Variants in SLC25A25 observed in about 807,000 individuals in gnomAD.
SLC25A25 encodes mitochondrial adenyl nucleotide antiporter SLC25A25.
SLC25A25 carries 32 observed loss-of-function variants against 57.7 expected under a neutral mutation model. That is an observed-to-expected ratio of 0.55 (90% CI 0.42 to 0.74). SLC25A25 has a LOEUF of 0.74. Among genes scored for constraint, SLC25A25 ranks in the 30% least tolerant of loss-of-function variants. SLC25A25 has a pLI of 0.00. For missense variants in SLC25A25, 556 were observed against 701.3 expected (o/e 0.79, Z 2.34); for synonymous variants, 306 against 291.2 (o/e 1.05, Z -0.52).
chr9:128,101,962 C>T lies in SLC25A25; in HGVS notation c.477-118C>T, dbSNP rs372680142. ...CTGGGCTCAGCTGCTGTGGCGGGCTCGTCTCGTGCCGTGCTGTGCCCCTGT... is the reference window on the plus strand; with the variant it reads ...CTGGGCTCAGCTGCTGTGGCGGGCTTGTCTCGTGCCGTGCTGTGCCCCTGT... On this transcript the variant is annotated intron_variant, in intron 3 of 10. Coordinates refer to ENST00000373069, the MANE Select transcript of SLC25A25 (RefSeq NM_001330988.2). This position sits in a 1 kb window ranked among gnomAD's most constrained non-coding sequence, Gnocchi z 4.9. 22 of 1,166,120 alleles carry T rather than the reference C, an allele frequency of 1.9e-5. No homozygotes were observed. The highest frequency in any genetic ancestry group is 2.6e-5 in the Non-Finnish European group (21 of 816,852). 72.2% of individuals were successfully genotyped at this position (1,166,120 alleles called of 1,614,324 possible).
chr9:128,072,738 TGAC>T (rs1205684338), intron 1 of SLC25A25, among the ~76,000 whole-genome samples: 1 of 152,204 alleles, frequency 6.6e-6, no homozygotes, highest in Non-Finnish European at 1.5e-5. Flanking sequence ...AGAAAAAAGA[TGAC>T]GACAACAGTA....
chr9:128,106,653 T>C, intron 9 of SLC25A25, 133 bp downstream of exon 9: 2 of 1,162,604 alleles, frequency 1.7e-6, no homozygotes, highest in Non-Finnish European at 2.4e-6. Context: ...CTCTTCTGTT[T>C]ACTGCAGCTT....
chr9:128,091,561 T>TAAAA (rs59794334), intron 1 of SLC25A25: 230,958 of 950,258 alleles, frequency 0.24, 17,340 homozygotes, highest in Non-Finnish European at 0.26. Flanking sequence ...TTTTTTTTTT[T>TAAAA]AAAAAAAAGC....
chr9:128,078,094 A>T (rs1274146694), intron 1 of SLC25A25, among the ~76,000 whole-genome samples: 1 of 151,570 alleles, frequency 6.6e-6, no homozygotes, highest in Non-Finnish European at 1.5e-5. Context: ...GCTGCTTGCT[A>T]GCTGAGTGAC....
At chr9:128,105,155 G>A (rs953393453) in intron 6 of SLC25A25, among the ~76,000 whole-genome samples, 38 of 110,914 alleles carry the variant, frequency 3.4e-4, no homozygotes, top group Non-Finnish European at 4.4e-4. Flanking sequence ...CAACACTCCC[G>A]GCCTTTTTTT....
In SLC25A25 at chr9:128,101,536, T is replaced by C. The variant is rs1833795468; in HGVS notation, c.476+140T>C. ...TGAAAGGATGAATAAGTAACCCCTG[T>C]GGGAGGCCAGCCCCTCCCCAGGGTT... is the stretch of plus-strand genomic sequence containing the variant. On this transcript the variant is annotated intron_variant, in intron 3 of 10. Coordinates refer to ENST00000373069, the MANE Select transcript of SLC25A25 (RefSeq NM_001330988.2). The surrounding 1 kb of genome is among the most constrained non-coding windows in gnomAD (Gnocchi z 4.9). 3 of 881,220 alleles carry C rather than the reference T, an allele frequency of 3.4e-6. No homozygotes were observed. Among genetic ancestry groups the C allele is most frequent in the South Asian group, 3.4e-5 (2 of 58,250 alleles). 54.6% of individuals were successfully genotyped at this position (881,220 alleles called of 1,614,324 possible).
rs1419505707 is a variant in SLC25A25, at chr9:128,106,451, C to T, written c.1143C>T (p.Phe381=). ...RILAREGVAA[F]YKGYVPNMLG... ...TGGCCAGAGAGGGGGTGGCCGCCTT[C>T]TACAAAGGCTATGTCCCCAACATGC... Residue 381 remains phenylalanine (F), a synonymous_variant, in exon 9 of 11, where the codon TTC becomes TTT. Transcript: ENST00000373069. 3.1e-6 allele frequency: 5 copies of T among 1,613,384 alleles called. No individual in the cohort carries two copies. The highest frequency in any genetic ancestry group is 4.2e-6 in the Non-Finnish European group (5 of 1,179,946).
chr9:128,106,060 A>G, intron 7 of SLC25A25, 90 bp from the exon 8 acceptor site: 2 of 1,570,826 alleles, frequency 1.3e-6, no homozygotes. Context: ...GGGTAGCATA[A>G]AATGTGCCGG....
At chr9:128,090,413 A>T (rs1369641526) in intron 1 of SLC25A25, among the ~76,000 whole-genome samples, 1 of 149,804 alleles carries the variant, frequency 6.7e-6, no homozygotes, top group Non-Finnish European at 1.5e-5. Context: ...GGGTTTCACC[A>T]TGTTGGCCAG....
chr9:128,068,510 G>C lies in SLC25A25; in HGVS notation c.191G>C (p.Gly64Ala), dbSNP rs765974011. 2 of 1,506,552 alleles carry C rather than the reference G, an allele frequency of 1.3e-6. No homozygotes were observed. The highest frequency in any genetic ancestry group is 1.8e-6 in the Non-Finnish European group (2 of 1,133,522). The allele number at this position is 1,506,552 out of a possible 1,614,324, so 93.3% of individuals were successfully genotyped here. Reference protein sequence around the residue: ...FQTLDVNRDGGLCVNDLAVGL... With the variant: ...FQTLDVNRDGALCVNDLAVGL... ...ACGCTCGACGTCAACCGGGACGGCG[G>C]CCTGTGTGTCAACGACCTGGCGGTG... Residue 64 changes from glycine to alanine, a missense_variant, in exon 1 of 11, where the codon GGC becomes GCC. Gly to Ala is a moderately conservative substitution (Grantham distance 60). Coordinates refer to ENST00000373069, the MANE Select transcript of SLC25A25 (RefSeq NM_001330988.2).
intron 1 of SLC25A25, among the ~76,000 whole-genome samples, chr9:128,073,319 T>G (rs1891409): frequency 0.96 from 146,615 of 152,240 alleles, 70,847 homozygotes; most frequent in Middle Eastern, 1. Flanking sequence ...GCTCCCAAAG[T>G]ATAGGTTTCA....
In SLC25A25 at chr9:128,095,723, T is replaced by A. The variant is rs1446417752; in HGVS notation, c.262-5373T>A. ...TACTCGGGAGGCTGAGGCAGGAGAA[T>A]CGCTTGAACCCAGGAGGTGGAGGTT... On this transcript the variant is annotated intron_variant, in intron 1 of 10. Coordinates refer to ENST00000373069, the MANE Select transcript of SLC25A25 (RefSeq NM_001330988.2). This position sits in a 1 kb window ranked among gnomAD's most constrained non-coding sequence, Gnocchi z 4.4. Among the ~76,000 whole-genome samples the A allele has an allele frequency of 6.6e-6, 1 of 152,094 alleles. No individual in the cohort carries two copies. Among genetic ancestry groups the A allele is most frequent in the African/African-American group, 2.4e-5 (1 of 41,400 alleles).
intron 1 of SLC25A25, among the ~76,000 whole-genome samples, chr9:128,079,409 C>CAAAAAAAAA (rs375501116): frequency 1.7e-5 from 1 of 59,802 alleles, no homozygotes; most frequent in African/African-American, 6.8e-5. Flanking sequence ...CTGCTGATGC[C>CAAAAAAAAA]AAAAAAAAAA....
At position 128,095,576 on chromosome 9, in the gene SLC25A25, A is replaced by C. The variant is rs1833531624; in HGVS notation, c.262-5520A>C. Among the ~76,000 whole-genome samples the C allele has an allele frequency of 6.6e-6, 1 of 152,170 alleles. No homozygotes were observed. The highest frequency in any genetic ancestry group is 1.5e-5 in the Non-Finnish European group (1 of 68,022). ...CTCAGTAGGATGGATGATTTAAAAA[A>C]CCAAATGCCAATTGAAGTTTATCCA... On this transcript the variant is annotated intron_variant, in intron 1 of 10. Transcript: ENST00000373069. The surrounding 1 kb of genome is among the most constrained non-coding windows in gnomAD (Gnocchi z 4.4).
intron 1 of SLC25A25, among the ~76,000 whole-genome samples, chr9:128,074,705 A>G (rs962922010): frequency 5.9e-5 from 9 of 152,110 alleles, no homozygotes; most frequent in African/African-American, 1.9e-4. Flanking sequence ...ACTCTGTCTC[A>G]AAAAACAAAA....
At position 128,103,480 on chromosome 9, in the gene SLC25A25, C is replaced by T. The variant is rs1013012085; in HGVS notation, c.625-201C>T. ...GCTGAGGTTCTATACCTGTGCCTCT[C>T]CAGGACCCCAGCAGGGGTGAGAGCT... On this transcript the variant is annotated intron_variant, in intron 5 of 10. Coordinates refer to ENST00000373069, the MANE Select transcript of SLC25A25 (RefSeq NM_001330988.2). This position sits in a 1 kb window ranked among gnomAD's most constrained non-coding sequence, Gnocchi z 6.7. 6.6e-6 allele frequency among the ~76,000 whole-genome samples: 1 copy of T among 152,198 alleles called. No homozygotes were observed. The highest frequency in any genetic ancestry group is 1.5e-5 in the Non-Finnish European group (1 of 68,044).
Position 128,095,473 on chromosome 9 carries a change from C to T in SLC25A25, c.262-5623C>T, listed in dbSNP as rs919813628. Among the ~76,000 whole-genome samples, 3 of 152,174 alleles carry T rather than the reference C, an allele frequency of 2.0e-5. No individual in the cohort carries two copies. Among genetic ancestry groups the T allele is most frequent in the African/African-American group, 7.2e-5 (3 of 41,430 alleles). ...AGGAATACAGCAGTTGTCCTGGACA[C>T]TAGCACCTAGAGATGGGCTTATTTG... On this transcript the variant is annotated intron_variant, in intron 1 of 10. Transcript: ENST00000373069. The surrounding 1 kb of genome is among the most constrained non-coding windows in gnomAD (Gnocchi z 4.4).
chr9:128,072,364 A>G (rs75950089), intron 1 of SLC25A25, among the ~76,000 whole-genome samples: 2,726 of 152,286 alleles, frequency 0.018, 81 homozygotes, highest in African/African-American at 0.062. Flanking sequence ...GATGTTGAAG[A>G]ACACATCAAA....
At position 128,102,758 on chromosome 9, in the gene SLC25A25, G is replaced by C. The variant is rs913835326; in HGVS notation, c.624+277G>C. ...ATGCTCCCTGCTCCCTGCTCCTCAT[G>C]GGCCACTTCAAATACCCCTTCCCAT... On this transcript the variant is annotated intron_variant, in intron 5 of 10. Coordinates refer to ENST00000373069, the MANE Select transcript of SLC25A25 (RefSeq NM_001330988.2). This position sits in a 1 kb window ranked among gnomAD's most constrained non-coding sequence, Gnocchi z 4.1. Among the ~76,000 whole-genome samples the C allele has an allele frequency of 1.3e-5, 2 of 152,140 alleles. No individual in the cohort carries two copies. Among genetic ancestry groups the C allele is most frequent in the African/African-American group, 4.8e-5 (2 of 41,426 alleles).
Sources: gnomAD v4.1 joint callset for allele counts (sites outside exome capture counted in the v4.1 genomes callset) on GRCh38, gnomAD v4.1.1 for gene constraint, Gnocchi (gnomAD v3.1) non-coding constraint, MANE v1.5 for transcripts, NCBI Gene and HGNC (gene_info 2026-07-23, HGNC 2026-07-21) for gene names.